IPO11: variants seen among roughly 807,000 people sequenced by gnomAD.
The protein encoded by IPO11 is importin-11.
IPO11 carries 66 observed loss-of-function variants against 143.2 expected under a neutral mutation model. The observed-to-expected ratio is 0.46, with a 90% CI of 0.38 to 0.57. The LOEUF (loss-of-function observed/expected upper bound fraction) is 0.57, where lower values mean the gene tolerates loss of function less well. IPO11 is among the 20% of genes least tolerant of loss of function. The probability of loss-of-function intolerance (pLI) is 0.00; values close to 1 mark genes in which losing one functional copy is unlikely to be tolerated. For missense variants in IPO11, 1,026 were observed against 1,141.0 expected (o/e 0.90, Z 1.45); for synonymous variants, 385 against 377.8 (o/e 1.02, Z -0.22).
intron 28 of IPO11, among the ~76,000 whole-genome samples, chr5:62,599,892 C>T (rs561392698): frequency 5.3e-4 from 81 of 152,252 alleles, no homozygotes; most frequent in Middle Eastern, 3.4e-3. Flanking sequence ...TGAGATTTGA[C>T]TTTTAGTTGG....
intron 25 of IPO11, among the ~76,000 whole-genome samples, chr5:62,550,750 G>A (rs77935275): frequency 0.092 from 13,968 of 152,070 alleles, 659 homozygotes; most frequent in South Asian, 0.15. Context: ...CTAAGAATAT[G>A]AGGGGGACAA....
intron 21 of IPO11, among the ~76,000 whole-genome samples, chr5:62,530,445 C>T (rs1425506674): frequency 6.6e-6 from 1 of 152,200 alleles, no homozygotes; most frequent in East Asian, 1.9e-4. Context: ...TGGACCTACT[C>T]AGTGTAAAGC....
chr5:62,546,811 A>T (rs577232123), intron 24 of IPO11, among the ~76,000 whole-genome samples: 1 of 152,240 alleles, frequency 6.6e-6, no homozygotes, highest in East Asian at 1.9e-4. Flanking sequence ...TCGCTATATG[A>T]GTTTGAGAAT....
chr5:62,461,316 A>G (rs1437510582), intron 5 of IPO11, among the ~76,000 whole-genome samples: 1 of 152,210 alleles, frequency 6.6e-6, no homozygotes. Context: ...AAACTGACCT[A>G]ATAGGATTCT....
chr5:62,574,504 G>A (rs565562187), intron 27 of IPO11, among the ~76,000 whole-genome samples: 50 of 152,304 alleles, frequency 3.3e-4, no homozygotes, highest in African/African-American at 1.2e-3. Flanking sequence ...AACCCAGAAG[G>A]TGGTGGATAG....
At chr5:62,615,179 C>A (rs1746084717) in intron 29 of IPO11, among the ~76,000 whole-genome samples, 1 of 152,158 alleles carries the variant, frequency 6.6e-6, no homozygotes, top group Non-Finnish European at 1.5e-5. Context: ...CATTTAGGGC[C>A]TCGAGTTTCC....
chr5:62,578,712 A>G (rs1177831103), intron 27 of IPO11: 3 of 469,800 alleles, frequency 6.4e-6, no homozygotes, highest in Non-Finnish European at 1.3e-5. Flanking sequence ...AGCTTCCTGT[A>G]TCCATGGCAA....
At chr5:62,429,343 G>A (rs948406138) in intron 1 of IPO11, among the ~76,000 whole-genome samples, 1 of 152,078 alleles carries the variant, frequency 6.6e-6, no homozygotes, top group African/African-American at 2.4e-5. Flanking sequence ...TATGTTACAG[G>A]ATTTCATTCC....
At chr5:62,549,430 C>T (rs1011205327) in intron 24 of IPO11, among the ~76,000 whole-genome samples, 4 of 152,160 alleles carry the variant, frequency 2.6e-5, no homozygotes, top group Non-Finnish European at 5.9e-5. Flanking sequence ...TAAGCAGACA[C>T]TGGAAGATGC....
intron 16 of IPO11, among the ~76,000 whole-genome samples, chr5:62,495,403 A>T (rs1741098848): frequency 1.3e-5 from 2 of 152,178 alleles, no homozygotes; most frequent in Non-Finnish European, 1.5e-5. Flanking sequence ...TGATTTATGG[A>T]TGTGTTACAA....
chr5:62,599,022 A>T (rs1016036107), intron 28 of IPO11, among the ~76,000 whole-genome samples: 1 of 152,162 alleles, frequency 6.6e-6, no homozygotes, highest in Admixed American at 6.5e-5. Flanking sequence ...CAACTTCCTC[A>T]ACAACATTAG....
rs545994463 is a variant in IPO11, at chr5:62,519,560, CG to C, written c.1896+4061del. Among the ~76,000 whole-genome samples the C allele has an allele frequency of 4.1e-4, 63 of 152,106 alleles. 1 individual carries two copies. The highest frequency in any genetic ancestry group is 8.1e-4 in the Non-Finnish European group (55 of 68,024). ...CCCAGTATACTTGATTGTATAAAGA[CG>C]GTTGAAGGCCTATATCATTATGTCA... On this transcript the variant is annotated intron_variant, in intron 20 of 29. Transcript: ENST00000325324.
chr5:62,587,575 T>C (rs73108086), intron 27 of IPO11, among the ~76,000 whole-genome samples: 3,995 of 152,194 alleles, frequency 0.026, 174 homozygotes, highest in African/African-American at 0.092. Flanking sequence ...ATAAAAAATA[T>C]TGAGTTATAA....
chr5:62,508,595 C>A (rs1741643411), intron 19 of IPO11, among the ~76,000 whole-genome samples: 1 of 151,176 alleles, frequency 6.6e-6, no homozygotes, highest in Non-Finnish European at 1.5e-5. Flanking sequence ...TCCTTTCCTC[C>A]CTTTCTCCCT....
intron 27 of IPO11, among the ~76,000 whole-genome samples, chr5:62,586,768 A>ATAT (rs1554057002): frequency 0.013 from 367 of 28,784 alleles, 4 homozygotes; most frequent in Middle Eastern, 0.02. Flanking sequence ...AAAAAAAAAA[A>ATAT]ATATATATAT....
intron 1 of IPO11, among the ~76,000 whole-genome samples, chr5:62,417,906 CT>C (rs1448862649): frequency 6.6e-6 from 1 of 152,206 alleles, no homozygotes; most frequent in Non-Finnish European, 1.5e-5. Flanking sequence ...AATCTTAATT[CT>C]TTCCCCTTAT....
At chr5:62,545,041 C>T (rs1273018858) in intron 24 of IPO11, among the ~76,000 whole-genome samples, 8 of 152,126 alleles carry the variant, frequency 5.3e-5, no homozygotes, top group Non-Finnish European at 1.0e-4. Flanking sequence ...TTTATAGATT[C>T]AGTGCCATCC....
intron 25 of IPO11, among the ~76,000 whole-genome samples, chr5:62,550,814 A>C (rs770257341): frequency 7.2e-5 from 11 of 152,112 alleles, no homozygotes; most frequent in Non-Finnish European, 1.6e-4. Context: ...GTTATTTTCT[A>C]AGAACAGCTC....
At chr5:62,527,518 T>A (rs530390026) in intron 21 of IPO11, among the ~76,000 whole-genome samples, 1 of 152,338 alleles carries the variant, frequency 6.6e-6, no homozygotes, top group African/African-American at 2.4e-5. Flanking sequence ...TCCTGGCATA[T>A]AAATAATTTT....
Sources: allele counts gnomAD v4.1 joint callset (sites outside exome capture counted in the v4.1 genomes callset), GRCh38; gene constraint gnomAD v4.1.1; transcripts MANE v1.5; gene names NCBI Gene and HGNC (gene_info 2026-07-23, HGNC 2026-07-21).